HDAC9: variants seen among roughly 807,000 people sequenced by gnomAD.
The protein encoded by HDAC9 is MEF-2 interacting transcription repressor (MITR) protein.
A neutral mutation model predicts 139.4 loss-of-function variants in HDAC9; 41 were observed. The ratio of observed to expected loss-of-function variants is 0.29; its 90% CI spans 0.23 to 0.38. HDAC9 has a LOEUF of 0.38. Ranked by LOEUF, HDAC9 falls within the 10% of genes least tolerant of loss-of-function variation. The pLI, the probability that HDAC9 is intolerant of heterozygous loss-of-function variation, is 1.00. For synonymous variants in HDAC9, 517 were observed against 476.2 expected, an observed-to-expected ratio of 1.09 and a Z score of -1.12; for missense variants, 1,147 against 1,297.0, an observed-to-expected ratio of 0.88 and a Z score of 1.78.
chr7:18,690,980 A>G (rs915164569), intron 12 of HDAC9, among the ~76,000 whole-genome samples: 1 of 152,018 alleles, frequency 6.6e-6, no homozygotes, highest in African/African-American at 2.4e-5. Flanking sequence ...AAAAAAAACT[A>G]ATATTATCAG....
At chr7:18,566,127 T>C (rs1195367741) in intron 2 of HDAC9, among the ~76,000 whole-genome samples, 2 of 152,224 alleles carry the variant, frequency 1.3e-5, no homozygotes, top group Non-Finnish European at 2.9e-5. Context: ...GAAGCAACTA[T>C]TGTAGAAAGT....
At chr7:18,384,430 A>AT (rs1177104128) in intron 1 of HDAC9, among the ~76,000 whole-genome samples, 1 of 152,228 alleles carries the variant, frequency 6.6e-6, no homozygotes, top group East Asian at 1.9e-4. Flanking sequence ...ATTTTATTGT[A>AT]TTTTTTACTT....
chr7:18,305,305 G>T (rs954220528), intron 1 of HDAC9, among the ~76,000 whole-genome samples: 1 of 152,044 alleles, frequency 6.6e-6, no homozygotes, highest in Non-Finnish European at 1.5e-5. Context: ...ATCCTAGGCC[G>T]GTGCCTGACA....
intron 25 of HDAC9, among the ~76,000 whole-genome samples, chr7:18,988,494 A>G (rs990821158): frequency 2.6e-5 from 4 of 151,642 alleles, no homozygotes; most frequent in African/African-American, 9.7e-5. Context: ...TATGTGGTCA[A>G]TTTTGGAATA....
chr7:18,321,908 G>T (rs753412903), intron 1 of HDAC9, among the ~76,000 whole-genome samples: 32 of 152,224 alleles, frequency 2.1e-4, no homozygotes, highest in Non-Finnish European at 3.4e-4. Context: ...AAATATTTCT[G>T]CTTTCCATTA....
chr7:18,649,383 A>G (rs777191739), intron 11 of HDAC9, among the ~76,000 whole-genome samples: 18 of 152,144 alleles, frequency 1.2e-4, no homozygotes, highest in Admixed American at 1.3e-4. Flanking sequence ...CAGTTTTTCC[A>G]CTACTTTTTG....
At chr7:18,538,937 G>T (rs1327737638) in intron 2 of HDAC9, among the ~76,000 whole-genome samples, 1 of 152,138 alleles carries the variant, frequency 6.6e-6, no homozygotes, top group East Asian at 1.9e-4. Context: ...ACTGTGTGAT[G>T]CAGAGGCTAT....
chr7:18,709,039 C>G (rs754607749), intron 12 of HDAC9, among the ~76,000 whole-genome samples: 19 of 151,224 alleles, frequency 1.3e-4, no homozygotes, highest in Non-Finnish European at 2.2e-4. Context: ...CAACAGATTC[C>G]CAACCAAGAA....
At chr7:18,163,650 T>C (rs1787812110) in intron 2 of HDAC9, among the ~76,000 whole-genome samples, 1 of 152,184 alleles carries the variant, frequency 6.6e-6, no homozygotes, top group Non-Finnish European at 1.5e-5. Flanking sequence ...TGTTTAAGTG[T>C]GTTCTGTGAG....
intron 2 of HDAC9, among the ~76,000 whole-genome samples, chr7:18,529,581 T>A (rs1808169395): frequency 6.6e-6 from 1 of 152,202 alleles, no homozygotes; most frequent in African/African-American, 2.4e-5. Context: ...ATAATAACTT[T>A]AACATAACAG....
intron 12 of HDAC9, among the ~76,000 whole-genome samples, chr7:18,675,267 G>A (rs1001121368): frequency 2.0e-5 from 3 of 152,018 alleles, no homozygotes; most frequent in Non-Finnish European, 4.4e-5. Flanking sequence ...GCATGGAACT[G>A]CCTCGTACGG....
intron 1 of HDAC9, among the ~76,000 whole-genome samples, chr7:18,325,761 T>C (rs1009520005): frequency 6.6e-6 from 1 of 152,162 alleles, no homozygotes; most frequent in African/African-American, 2.4e-5. Context: ...TATATATGAT[T>C]ATAATATCAT....
intron 1 of HDAC9, among the ~76,000 whole-genome samples, chr7:18,309,634 C>A (rs1799171089): frequency 6.6e-6 from 1 of 151,962 alleles, no homozygotes; most frequent in Non-Finnish European, 1.5e-5. Flanking sequence ...GGACTGTTTC[C>A]AAACAGGGAA....
intron 21 of HDAC9, among the ~76,000 whole-genome samples, chr7:18,845,997 C>T (rs1414412311): frequency 6.6e-6 from 1 of 152,112 alleles, no homozygotes; most frequent in East Asian, 1.9e-4. Flanking sequence ...CCGTAGTGGG[C>T]TTCCTGGGGT....
intron 1 of HDAC9, among the ~76,000 whole-genome samples, chr7:18,391,898 G>A (rs1380585830): frequency 6.6e-6 from 1 of 152,150 alleles, no homozygotes; most frequent in Non-Finnish European, 1.5e-5. Context: ...AGCAGAGCCT[G>A]GTATGTAGTA....
chr7:18,850,646 C>G (rs2129223409), intron 21 of HDAC9, among the ~76,000 whole-genome samples: 1 of 152,302 alleles, frequency 6.6e-6, no homozygotes, highest in East Asian at 1.9e-4. Flanking sequence ...AGAGGCTTCC[C>G]TCGCCATTAA....
At chr7:18,651,704 T>C (rs1439467053) in intron 11 of HDAC9, among the ~76,000 whole-genome samples, 2 of 152,188 alleles carry the variant, frequency 1.3e-5, no homozygotes, top group Admixed American at 6.5e-5. Flanking sequence ...AATGTAACTG[T>C]TATTAATCAT....
intron 22 of HDAC9, among the ~76,000 whole-genome samples, chr7:18,905,854 C>T (rs1245319335): frequency 8.8e-6 from 1 of 113,626 alleles, no homozygotes; most frequent in East Asian, 2.5e-4. Context: ...TGAATAGTTT[C>T]TTTCTTTCTT....
intron 22 of HDAC9, among the ~76,000 whole-genome samples, chr7:18,904,822 G>A (rs1465273694): frequency 3.3e-5 from 5 of 151,988 alleles, no homozygotes; most frequent in South Asian, 2.1e-4. Flanking sequence ...TGATCCGCCC[G>A]CCTCGGCCTC....
Sources: allele counts gnomAD v4.1 joint callset (sites outside exome capture counted in the v4.1 genomes callset), GRCh38; gene constraint gnomAD v4.1.1; transcripts MANE v1.5; gene names NCBI Gene and HGNC (gene_info 2026-07-23, HGNC 2026-07-21).